Variants in ZNF420 observed in about 807,000 individuals in gnomAD.
ZNF420 encodes zinc finger protein 420, also known as ATM and p53-associated KZNF protein.
ZNF420 carries 31 observed loss-of-function variants against 44.7 expected under a neutral mutation model. The observed-to-expected ratio is 0.69, with a 90% CI of 0.52 to 0.94. ZNF420 has a LOEUF of 0.94. Among genes scored for constraint, ZNF420 ranks in the 40% least tolerant of loss-of-function variants. The pLI, the probability that ZNF420 is intolerant of heterozygous loss-of-function variation, is 0.00. For synonymous variants in ZNF420, 245 were observed against 267.4 expected, an observed-to-expected ratio of 0.92 and a Z score of 0.82; for missense variants, 681 against 827.9, an observed-to-expected ratio of 0.82 and a Z score of 2.18.
At chr19:37,051,346 G>A (rs1331729004) in intron 1 of ZNF420, among the ~76,000 whole-genome samples, 2 of 152,206 alleles carry the variant, frequency 1.3e-5, no homozygotes, top group Non-Finnish European at 2.9e-5. Context: ...AATCCATCTG[G>A]TCCTGGACTT....
At chr19:37,051,698 G>GT (rs1163060810) in intron 1 of ZNF420, among the ~76,000 whole-genome samples, 3 of 152,000 alleles carry the variant, frequency 2.0e-5, no homozygotes, top group Non-Finnish European at 2.9e-5. Context: ...TTTTTGAAGG[G>GT]TTTTTTGTGT....
At chr19:37,112,954 TCTA>T (rs67149321) in intron 4 of ZNF420, among the ~76,000 whole-genome samples, 12,035 of 152,164 alleles carry the variant, frequency 0.079, 643 homozygotes, top group Non-Finnish European at 0.12. Context: ...AGTACACAAA[TCTA>T]CTGCTGCACT....
intron 4 of ZNF420, among the ~76,000 whole-genome samples, chr19:37,117,229 A>G (rs1209264933): frequency 6.6e-6 from 1 of 152,302 alleles, no homozygotes; most frequent in East Asian, 1.9e-4. Context: ...GACACCTCAC[A>G]TGGCCGGGTA....
At chr19:37,116,453 CTT>C (rs777286734) in intron 4 of ZNF420, among the ~76,000 whole-genome samples, 1 of 151,332 alleles carries the variant, frequency 6.6e-6, no homozygotes, top group Non-Finnish European at 1.5e-5. Context: ...TCTTAAAACA[CTT>C]TTTTTGGAAA....
Position 37,098,518 on chromosome 19 carries a change from G to GTT in ZNF420, c.136+7398_136+7399dup, listed in dbSNP as rs1568456279. ...TCATCCAGTTCTAATTTACTGTTGCGTTAATAGGTTTTTTCATAAACACTT... is the reference window on the plus strand; with the variant it reads ...TCATCCAGTTCTAATTTACTGTTGCGTTTTAATAGGTTTTTTCATAAACACTT... On this transcript the variant is annotated intron_variant, in intron 4 of 4. Coordinates refer to ENST00000337995, the MANE Select transcript of ZNF420 (RefSeq NM_144689.5). Among the ~76,000 whole-genome samples, 333 of 152,098 alleles carry GTT rather than the reference G, an allele frequency of 2.2e-3. 1 individual carries two copies. Among genetic ancestry groups the GTT allele is most frequent in the African/African-American group, 7.7e-3 (320 of 41,500 alleles).
intron 1 of ZNF420, among the ~76,000 whole-genome samples, chr19:37,034,775 G>C (rs568473314): frequency 6.6e-6 from 1 of 152,330 alleles, no homozygotes; most frequent in South Asian, 2.1e-4. Flanking sequence ...CATCCTAGAA[G>C]CTTTCTTTTA....
chr19:37,044,236 G>A (rs894025307), intron 1 of ZNF420, among the ~76,000 whole-genome samples: 2 of 152,218 alleles, frequency 1.3e-5, no homozygotes, highest in African/African-American at 4.8e-5. Context: ...CCAAGGATGG[G>A]CTGAGCACAG....
intron 1 of ZNF420, among the ~76,000 whole-genome samples, chr19:37,017,213 G>C (rs1338547090): frequency 6.6e-6 from 1 of 152,216 alleles, no homozygotes; most frequent in African/African-American, 2.4e-5. Context: ...AAGACGTACA[G>C]GTGACATCTG....
chr19:37,057,519 T>C (rs1349743284), intron 1 of ZNF420, among the ~76,000 whole-genome samples: 2 of 152,192 alleles, frequency 1.3e-5, no homozygotes, highest in African/African-American at 4.8e-5. Context: ...TGTGTGTGTG[T>C]GTGCCAGTGT....
intron 1 of ZNF420, among the ~76,000 whole-genome samples, chr19:37,079,141 C>A (rs896707730): frequency 2.0e-5 from 3 of 152,082 alleles, no homozygotes; most frequent in Non-Finnish European, 4.4e-5. Flanking sequence ...CGGTATGTGT[C>A]TCTGACAAGG....
chr19:37,122,749 TC>T (rs1370386765), intron 4 of ZNF420, among the ~76,000 whole-genome samples: 1 of 152,196 alleles, frequency 6.6e-6, no homozygotes, highest in Non-Finnish European at 1.5e-5. Flanking sequence ...GACCCAGGGT[TC>T]AATCCTCAAA....
intron 1 of ZNF420, among the ~76,000 whole-genome samples, chr19:37,055,553 A>G (rs1365539161): frequency 6.6e-6 from 1 of 152,190 alleles, no homozygotes; most frequent in Non-Finnish European, 1.5e-5. Flanking sequence ...CAGAGCCGAA[A>G]CCGTTTAAAG....
At chr19:37,045,644 G>A (rs1022003149) in intron 1 of ZNF420, among the ~76,000 whole-genome samples, 6 of 152,164 alleles carry the variant, frequency 3.9e-5, no homozygotes, top group Non-Finnish European at 7.4e-5. Flanking sequence ...TTGGGGAAAA[G>A]CATGAAAAAG....
At chr19:37,030,457 G>A (rs573971974) in intron 1 of ZNF420, among the ~76,000 whole-genome samples, 5 of 152,248 alleles carry the variant, frequency 3.3e-5, no homozygotes, top group South Asian at 2.1e-4. Flanking sequence ...CACTGCATCC[G>A]GCCTTCTATT....
intron 1 of ZNF420, among the ~76,000 whole-genome samples, chr19:37,008,765 G>T (rs1182525424): frequency 7.2e-5 from 11 of 152,176 alleles, no homozygotes; most frequent in Admixed American, 7.2e-4. Flanking sequence ...TCCTGCCTGG[G>T]CTCTGGCCTC....
chr19:37,087,173 T>C (rs1968836723), intron 2 of ZNF420, among the ~76,000 whole-genome samples: 2 of 151,918 alleles, frequency 1.3e-5, no homozygotes, highest in African/African-American at 4.8e-5. Context: ...CAGTCCTAGC[T>C]ACTTCGAAGG....
intron 4 of ZNF420, among the ~76,000 whole-genome samples, chr19:37,100,305 A>G (rs777439894): frequency 2.0e-5 from 3 of 151,362 alleles, no homozygotes; most frequent in Non-Finnish European, 4.4e-5. Context: ...ATCCTGTTCC[A>G]TTTGTCTATG....
At position 37,091,086 on chromosome 19, in the gene ZNF420, T is replaced by A; in HGVS notation, c.101T>A (p.Val34Glu). ...GCTCAGAGAGATTTGTATAGAGATG[T>A]GATGTTGGAGAACTATAGCAACTTG... ...DSAQRDLYRDVMLENYSNLVS... is the reference protein window; with the variant it reads ...DSAQRDLYRDEMLENYSNLVS... The change falls in exon 4 of 5, where the codon GTG becomes GAG. Residue 34 changes from valine (V) to glutamate (E), a missense_variant. Physicochemically the swap from Val to Glu is moderately radical, Grantham distance 121. Coordinates refer to ENST00000337995, the MANE Select transcript of ZNF420 (RefSeq NM_144689.5). 6.2e-7 allele frequency: 1 copy of A among 1,604,718 alleles called. No homozygotes were observed. Among genetic ancestry groups the A allele is most frequent in the Non-Finnish European group, 8.5e-7 (1 of 1,176,888 alleles).
rs530116811 is a variant in ZNF420, at chr19:37,127,240, G to A, written c.249G>A (p.Glu83=). Residue 83 remains glutamate, a synonymous_variant, in exon 5 of 5, where the codon GAG becomes GAA. Coordinates refer to ENST00000337995, the MANE Select transcript of ZNF420 (RefSeq NM_144689.5). ...GACTTGAAAACTGTGATCTTGAAGA[G>A]TCCAATTCCAGGGATTATTTGGAAG... ...SDRLENCDLE[E]SNSRDYLEAK... is the part of the protein sequence containing the mutation. The A allele has an allele frequency of 3.7e-6, 6 of 1,613,316 alleles. No individual in the cohort carries two copies. The highest frequency in any genetic ancestry group is 3.3e-5 in the South Asian group (3 of 90,936).
Sources: allele counts gnomAD v4.1 joint callset (sites outside exome capture counted in the v4.1 genomes callset), GRCh38; gene constraint gnomAD v4.1.1; transcripts MANE v1.5; gene names NCBI Gene and HGNC (gene_info 2026-07-23, HGNC 2026-07-21).